The following PCDHA4 variants were observed in gnomAD, a reference collection of about 807,000 sequenced individuals.
PCDHA4 encodes the protein protocadherin alpha-4.
In PCDHA4, 49 loss-of-function variants were observed where a neutral mutation model predicts 61.4. That is an observed-to-expected ratio of 0.80 (90% CI 0.63 to 1.01). The LOEUF is 1.01. Ranked by LOEUF, PCDHA4 falls within the 50% of genes least tolerant of loss-of-function variation. PCDHA4 has a pLI of 0.00. For missense variants in PCDHA4, 1,254 were observed against 1,235.8 expected (o/e 1.01, Z -0.22); for synonymous variants, 590 against 550.3 (o/e 1.07, Z -1.01).
chr5:140,935,230 CTA>C (rs1363291872), intron 1 of PCDHA4, among the ~76,000 whole-genome samples: 2 of 152,128 alleles, frequency 1.3e-5, no homozygotes, highest in African/African-American at 4.8e-5. Context: ...TAAGGGATGT[CTA>C]TTTTTTAAAA....
Position 140,909,713 on chromosome 5 carries a change from C to G in PCDHA4, c.2386-69236C>G, listed in dbSNP as rs6870083. 8.9e-3 allele frequency among the ~76,000 whole-genome samples: 1,356 copies of G among 152,266 alleles called. 15 individuals carry two copies. The highest frequency in any genetic ancestry group is 0.032 in the African/African-American group (1,312 of 41,548). ...GGGTTCTGCTAGCTGCTAAGTATAC[C>G]TATGCCAATTATGCATTCTGGCACT... is the stretch of plus-strand genomic sequence containing the variant. On this transcript the variant is annotated intron_variant, in intron 1 of 3. Transcript: ENST00000530339.
intron 1 of PCDHA4, chr5:140,843,101 G>T (rs1778561024): frequency 1.3e-6 from 2 of 1,595,770 alleles, no homozygotes; most frequent in Non-Finnish European, 1.7e-6. Flanking sequence ...GGTAGCGAAG[G>T]TGCGCGCAGT....
In PCDHA4 at chr5:140,849,164, T is replaced by A. The variant is rs2150431781; in HGVS notation, c.2385+39592T>A. On this transcript the variant is annotated intron_variant, in intron 1 of 3. Transcript: ENST00000530339. The stretch of plus-strand genomic sequence containing the variant: ...CCGATGGAGGCAAACCCGAGCTGAC[T>A]GGCACCGTTCAATTACTCATCACGG... 2.2e-5 allele frequency: 26 copies of A among 1,167,304 alleles called. No homozygotes were observed. In the East Asian group the frequency reaches 6.1e-4, roughly 28 times the overall value. 72.3% of individuals were successfully genotyped at this position (1,167,304 alleles called of 1,614,324 possible).
intron 1 of PCDHA4, chr5:140,877,311 G>C (rs200978234): frequency 6.3e-5 from 101 of 1,613,852 alleles, no homozygotes; most frequent in Non-Finnish European, 7.9e-5. Context: ...AGTTGCAACC[G>C]GCGGCGGTCG....
At chr5:140,842,725 C>T in intron 1 of PCDHA4, 3 of 1,595,120 alleles carry the variant, frequency 1.9e-6, no homozygotes, top group Non-Finnish European at 2.6e-6. Flanking sequence ...AGGAGAACAA[C>T]CCGCCGGGCT....
chr5:140,838,467 T>A (rs1775746524), intron 1 of PCDHA4, among the ~76,000 whole-genome samples: 1 of 151,796 alleles, frequency 6.6e-6, no homozygotes, highest in South Asian at 2.1e-4. Flanking sequence ...TCATTAGCGC[T>A]TATTCCTTGT....
Position 141,010,115 on chromosome 5 carries a change from C to A in PCDHA4, c.*178C>A, listed in dbSNP as rs1037998611. 1.2e-6 allele frequency: 2 copies of A among 1,609,682 alleles called. No individual in the cohort carries two copies. The highest frequency in any genetic ancestry group is 2.2e-5 in the South Asian group (2 of 90,640). ...CATTTAACAGGTTTTGTCGTAAAAG[C>A]TTTACTAAGTCTGGTGTTAACTCTT... On this transcript the variant is annotated 3_prime_UTR_variant, in exon 4 of 4. Transcript: ENST00000530339.
chr5:140,875,009 G>A (rs1238943643), intron 1 of PCDHA4, among the ~76,000 whole-genome samples: 2 of 152,216 alleles, frequency 1.3e-5, no homozygotes, highest in Admixed American at 6.5e-5. Flanking sequence ...CCATGATAAA[G>A]TGTAGGTTCT....
chr5:140,890,565 T>C (rs1381687393), intron 1 of PCDHA4, among the ~76,000 whole-genome samples: 1 of 152,194 alleles, frequency 6.6e-6, no homozygotes, highest in Non-Finnish European at 1.5e-5. Context: ...TATTGTTCCA[T>C]TTCCTTCTGT....
intron 1 of PCDHA4, chr5:140,926,672 C>T (rs2083457109): frequency 1.7e-6 from 1 of 583,596 alleles, no homozygotes; most frequent in Admixed American, 3.9e-5. Flanking sequence ...GACGGCTGCC[C>T]AGCCTCCAGC....
At chr5:140,834,868 T>C in intron 1 of PCDHA4, 1 of 1,609,592 alleles carries the variant, frequency 6.2e-7, no homozygotes, top group Non-Finnish European at 8.5e-7. Flanking sequence ...GATGCAGATA[T>C]CGGGGAGAAC....
chr5:140,827,775 G>A (rs1350103739), intron 1 of PCDHA4, among the ~76,000 whole-genome samples: 1 of 152,106 alleles, frequency 6.6e-6, no homozygotes, highest in Non-Finnish European at 1.5e-5. Flanking sequence ...AAAGAAGTCG[G>A]GATAACACTG....
chr5:140,950,662 C>T (rs1347125277), intron 1 of PCDHA4, among the ~76,000 whole-genome samples: 1 of 152,030 alleles, frequency 6.6e-6, no homozygotes, highest in East Asian at 1.9e-4. Flanking sequence ...CTGAGTTTAT[C>T]AAACATGTAC....
chr5:140,934,511 T>G (rs999288213), intron 1 of PCDHA4, among the ~76,000 whole-genome samples: 1 of 152,210 alleles, frequency 6.6e-6, no homozygotes. Context: ...AAAGGGTCCA[T>G]AGACCACACT....
chr5:140,811,893 G>A (rs1262337923), intron 1 of PCDHA4: 1 of 152,102 alleles, frequency 6.6e-6, no homozygotes, highest in Non-Finnish European at 1.5e-5. Context: ...GTAGATTCTG[G>A]ATATTAGCCC....
rs2150166154 is a variant in PCDHA4, at chr5:140,829,340, A to G, written c.2385+19768A>G. On this transcript the variant is annotated intron_variant, in intron 1 of 3. Coordinates refer to ENST00000530339, the MANE Select transcript of PCDHA4 (RefSeq NM_018907.4). ...GCTGGACAGTGCCCTGGACCGCGAG[A>G]GCGTGTCGGCCTATGAGTTGGTGGT... is the stretch of plus-strand genomic sequence containing the variant. 2.5e-6 allele frequency: 4 copies of G among 1,614,216 alleles called. No homozygotes were observed. In the South Asian group the frequency reaches 4.4e-5, roughly 18 times the overall value.
chr5:140,936,034 A>C (rs1554210820), intron 1 of PCDHA4, among the ~76,000 whole-genome samples: 1 of 151,842 alleles, frequency 6.6e-6, no homozygotes, highest in East Asian at 1.9e-4. Context: ...CGGGGATTAC[A>C]GGCACCCACC....
At chr5:140,835,997 C>G (rs2150249894) in intron 1 of PCDHA4, 18 of 1,613,302 alleles carry the variant, frequency 1.1e-5, no homozygotes, top group East Asian at 4.5e-5. Context: ...TGAGCGCGCG[C>G]GATGCGGGCG....
intron 1 of PCDHA4, chr5:140,834,397 A>G: frequency 1.3e-6 from 2 of 1,599,794 alleles, no homozygotes; most frequent in Non-Finnish European, 1.7e-6. Context: ...GTGTGCCCGA[A>G]TGGATACGAC....
Sources: allele counts gnomAD v4.1 joint callset (sites outside exome capture counted in the v4.1 genomes callset), GRCh38; gene constraint gnomAD v4.1.1; transcripts MANE v1.5; gene names NCBI Gene and HGNC (gene_info 2026-07-23, HGNC 2026-07-21).